SLC7A7: variants seen among roughly 807,000 people sequenced by gnomAD.
The protein encoded by SLC7A7 is Y+L amino acid transporter 1.
Under a neutral mutation model 47.9 loss-of-function variants are expected in SLC7A7, and 39 were observed. That is an observed-to-expected ratio of 0.81 (90% CI 0.63 to 1.06). SLC7A7 has a LOEUF of 1.06. Ranked by LOEUF, SLC7A7 falls within the 50% of genes least tolerant of loss-of-function variation. The pLI is 0.00. For missense variants in SLC7A7, 588 were observed against 632.0 expected (o/e 0.93, Z 0.75); for synonymous variants, 234 against 242.8 (o/e 0.96, Z 0.34).
intron 2 of SLC7A7, among the ~76,000 whole-genome samples, chr14:22,793,705 A>G (rs957019014): frequency 2.6e-5 from 4 of 152,106 alleles, no homozygotes; most frequent in Non-Finnish European, 5.9e-5. Context: ...AACCCCAGCT[A>G]CTAGGGAGGC....
chr14:22,815,166 C>T (rs2039386312), intron 1 of SLC7A7, 154 bp downstream of exon 1: 3 of 358,056 alleles, frequency 8.4e-6, no homozygotes, highest in Non-Finnish European at 1.7e-5. Context: ...GAACAGGAGA[C>T]AGCTGAGAGG....
upstream of SLC7A7, chr14:22,816,080 C>A (rs2138671460): frequency 5.7e-6 from 1 of 175,850 alleles, no homozygotes; most frequent in East Asian, 1.4e-4. Flanking sequence ...TGACTGCATC[C>A]CCACCAGACC....
upstream of SLC7A7, among the ~76,000 whole-genome samples, chr14:22,818,955 T>C (rs1566467854): frequency 1.3e-5 from 2 of 152,252 alleles, no homozygotes; most frequent in South Asian, 2.1e-4. Flanking sequence ...TTTCCCTGTC[T>C]GAGATGCATT....
chr14:22,794,926 ACACAAGACCCT>A lies in SLC7A7; in HGVS notation c.500-14886_500-14876del, dbSNP rs544196291. ...AGAACGGCTTTTCCCACCTCTAGTG[ACACAAGACCCT>A]CATCAATTCTCCTCAAAAGCAATTT... On this transcript the variant is annotated intron_variant, in intron 2 of 9. Transcript: ENST00000674313. 5.9e-3 allele frequency among the ~76,000 whole-genome samples: 900 copies of A among 152,200 alleles called. 26 individuals carry two copies. Among genetic ancestry groups the A allele is most frequent in the Admixed American group, 0.017 (265 of 15,268 alleles).
At chr14:22,797,240 T>A (rs2039035197) in intron 2 of SLC7A7, among the ~76,000 whole-genome samples, 1 of 152,172 alleles carries the variant, frequency 6.6e-6, no homozygotes, top group East Asian at 1.9e-4. Flanking sequence ...GTAATGGAGA[T>A]GCCTAGAACT....
intron 2 of SLC7A7, among the ~76,000 whole-genome samples, chr14:22,803,174 C>G (rs2039144569): frequency 1.3e-5 from 2 of 152,156 alleles, no homozygotes; most frequent in African/African-American, 4.8e-5. Flanking sequence ...AATCCCAGCA[C>G]CTTGGGAGAC....
rs11568429 is a variant in SLC7A7 at position 22,780,083 on chromosome 14, A to G, written c.500-32T>C. 0.25 allele frequency: 398,616 copies of G among 1,611,782 alleles called. 51,581 individuals carry two copies. Among genetic ancestry groups the G allele is most frequent in the East Asian group, 0.38 (17,151 of 44,780 alleles). The stretch of plus-strand genomic sequence containing the variant: ...GAAAAATAATACTGATTGGTGACTT[A>G]CCCTTACCACCCTAGGGCCTTAGAC... On this transcript the variant is annotated intron_variant, in intron 2 of 9. Coordinates refer to ENST00000674313, the MANE Select transcript of SLC7A7 (RefSeq NM_003982.4).
rs1594942664 is a variant in SLC7A7, at chr14:22,774,050, T to C, written c.1312A>G (p.Ser438Gly). Residue 438 changes from serine to glycine, a missense_variant, in exon 9 of 10, where the codon AGT becomes GGT. Transcript: ENST00000674313. ...CCGATGAGGGAGTTGATAGTATCACTGTAAAGTGGAACAGCCACCAGGAAG... is the reference window on the plus strand; with the variant it reads ...CCGATGAGGGAGTTGATAGTATCACCGTAAAGTGGAACAGCCACCAGGAAG... ...TIFLVAVPLY[S>G]DTINSLIGIA... 6.2e-7 allele frequency: 1 copy of C among 1,613,968 alleles called. No individual in the cohort carries two copies.
Position 22,775,505 on chromosome 14 carries a change from G to C in SLC7A7, c.1034C>G (p.Pro345Arg), listed in dbSNP as rs1417051927. The C allele has an allele frequency of 6.2e-7, 1 of 1,614,200 alleles. No individual in the cohort carries two copies. Among genetic ancestry groups the C allele is most frequent in the African/African-American group, 1.3e-5 (1 of 75,062 alleles). The change falls in exon 7 of 10, where the codon CCT becomes CGT. Residue 345 changes from proline to arginine, a missense_variant. Physicochemically the swap from Pro to Arg is moderately radical, Grantham distance 103 (BLOSUM62 -2). Coordinates refer to ENST00000674313, the MANE Select transcript of SLC7A7 (RefSeq NM_003982.4). ...AACATGGATCATGCAGATGGCATCA[G>C]GGAGATGGCCTTCTCTTGAGCCCAC... ...FFVGSREGHL[P>R]DAICMIHVER...
At chr14:22,776,941 C>T (rs2038621011) in intron 4 of SLC7A7, among the ~76,000 whole-genome samples, 2 of 149,918 alleles carry the variant, frequency 1.3e-5, no homozygotes, top group African/African-American at 4.9e-5. Context: ...TGCACTCCAG[C>T]ATGGGCGACA....
chr14:22,806,530 T>C (rs1002437091), intron 2 of SLC7A7, among the ~76,000 whole-genome samples: 4 of 151,994 alleles, frequency 2.6e-5, no homozygotes, highest in Non-Finnish European at 5.9e-5. Flanking sequence ...TTGGATGCCC[T>C]GTCTACCTCA....
At chr14:22,794,120 A>C (rs966120868) in intron 2 of SLC7A7, among the ~76,000 whole-genome samples, 1 of 152,228 alleles carries the variant, frequency 6.6e-6, no homozygotes, top group African/African-American at 2.4e-5. Flanking sequence ...CTGCTCCCAG[A>C]ATGTTCGGGG....
rs756936473 is a variant in SLC7A7, at chr14:22,774,410, T to C, written c.1189A>G (p.Ile397Val). ...FSYWFFVGLS[I>V]VGQLYLRWKE... is the part of the protein sequence containing the mutation. ...CAGCGCAGATAAAGCTGACCCACAA[T>C]AGAAAGCCCCACAAAGAACCAGTAG... The change falls in exon 8 of 10, where the codon ATT (isoleucine) becomes GTT (valine). Residue 397 changes from isoleucine (I) to valine (V), a missense_variant. Coordinates refer to ENST00000674313, the MANE Select transcript of SLC7A7 (RefSeq NM_003982.4). 4 of 1,613,930 alleles carry C rather than the reference T, an allele frequency of 2.5e-6. No homozygotes were observed. The highest frequency in any genetic ancestry group is 2.7e-5 in the African/African-American group (2 of 74,868).
chr14:22,792,867 A>G (rs971175074), intron 2 of SLC7A7, among the ~76,000 whole-genome samples: 4 of 122,550 alleles, frequency 3.3e-5, no homozygotes, highest in South Asian at 2.9e-4. Flanking sequence ...CAAAGAAAGA[A>G]AGAGAGAGAG....
In SLC7A7 at chr14:22,778,861, T is replaced by C. The variant is rs1566442571; in HGVS notation, c.702A>G (p.Ser234=). The C allele has an allele frequency of 1.2e-6, 2 of 1,614,178 alleles. No homozygotes were observed. The highest frequency in any genetic ancestry group is 4.5e-5 in the East Asian group (2 of 44,886). The change falls in exon 4 of 10, where the codon TCA becomes TCG. Residue 234 remains serine (S), a synonymous_variant. Transcript: ENST00000674313. The part of the protein sequence containing the change: ...AVGDIALALY[S]ALFSYSGWDT... ...CCCAGCCTGAGTAGGAGAACAGAGCTGAGTACAGTGCCAGGGCAATGTCAC... is the reference window on the plus strand; with the variant it reads ...CCCAGCCTGAGTAGGAGAACAGAGCCGAGTACAGTGCCAGGGCAATGTCAC...
chr14:22,815,760 G>C (rs911233005), upstream of SLC7A7: 1 of 441,262 alleles, frequency 2.3e-6, no homozygotes, highest in South Asian at 1.6e-5. Flanking sequence ...GGACAGTAGC[G>C]GGGAAGGAAT....
At chr14:22,774,535 A>G in intron 7 of SLC7A7, 32 bp from the exon 8 acceptor site, 1 of 1,614,098 alleles carries the variant, frequency 6.2e-7, no homozygotes, top group Non-Finnish European at 8.5e-7. Flanking sequence ...AGCTCTTCTC[A>G]GGGCCTTTGT....
In SLC7A7 at chr14:22,782,083, T is replaced by A. The variant is rs190621683; in HGVS notation, c.500-2032A>T. Among the ~76,000 whole-genome samples the A allele has an allele frequency of 2.0e-5, 3 of 151,790 alleles. No homozygotes were observed. The East Asian group carries it at 5.8e-4, about 29-fold the overall frequency. On this transcript the variant is annotated intron_variant, in intron 2 of 9. Coordinates refer to ENST00000674313, the MANE Select transcript of SLC7A7 (RefSeq NM_003982.4). ...TTCTGAAATGGAAATACATGGCTTG[T>A]TTATATTTTATTTTATTTATTTTTC... is the stretch of plus-strand genomic sequence containing the variant.
At chr14:22,806,506 G>A (rs1728186345) in intron 2 of SLC7A7, among the ~76,000 whole-genome samples, 2 of 151,862 alleles carry the variant, frequency 1.3e-5, no homozygotes. Context: ...CACATAAGCA[G>A]CCTGGCAGAA....
Sources: gnomAD v4.1 joint callset for allele counts (sites outside exome capture counted in the v4.1 genomes callset) on GRCh38, gnomAD v4.1.1 for gene constraint, MANE v1.5 for transcripts, NCBI Gene and HGNC (gene_info 2026-07-23, HGNC 2026-07-21) for gene names.